Variants in GALNT13 observed in about 807,000 individuals in gnomAD.
GALNT13 encodes UDP-GalNAc:polypeptide N-acetylgalactosaminyltransferase 13.
A neutral mutation model predicts 64.2 loss-of-function variants in GALNT13; 28 were observed. The observed-to-expected ratio is 0.44, with a 90% CI of 0.32 to 0.60. GALNT13 has a LOEUF of 0.60. GALNT13 is among the 20% of genes least tolerant of loss of function. The pLI is 0.05. For synonymous variants in GALNT13, 214 were observed against 224.6 expected (o/e 0.95, Z 0.42); for missense variants, 577 against 669.8 (o/e 0.86, Z 1.53).
chr2:154,367,392 T>C (rs1574172653), intron 9 of GALNT13, among the ~76,000 whole-genome samples: 1 of 152,304 alleles, frequency 6.6e-6, no homozygotes, highest in South Asian at 2.1e-4. Context: ...AAAGCATGAT[T>C]TTGTTAGCCA....
intron 6 of GALNT13, 114 bp from the exon 7 acceptor site, chr2:154,245,698 T>C: frequency 1.5e-6 from 1 of 675,804 alleles, no homozygotes; most frequent in Non-Finnish European, 2.5e-6. Flanking sequence ...GCTAAAGGCA[T>C]ATTAAAGTAA....
At chr2:154,310,033 C>T (rs998090159) in intron 9 of GALNT13, among the ~76,000 whole-genome samples, 1 of 152,128 alleles carries the variant, frequency 6.6e-6, no homozygotes, top group African/African-American at 2.4e-5. Flanking sequence ...TTAACATGCT[C>T]CCTTTTACCT....
intron 4 of GALNT13, among the ~76,000 whole-genome samples, chr2:154,171,996 A>C (rs192528224): frequency 6.6e-6 from 1 of 151,868 alleles, no homozygotes; most frequent in Non-Finnish European, 1.5e-5. Context: ...ACACACACAC[A>C]CACACACACA....
chr2:153,435,942 C>T, the GALNT13 span, among the ~76,000 whole-genome samples: 2 of 152,050 alleles, frequency 1.3e-5, no homozygotes, highest in Admixed American at 6.5e-5. Flanking sequence ...TTTGCCCATT[C>T]AGTATGATAT....
the GALNT13 span, among the ~76,000 whole-genome samples, chr2:153,261,059 T>C: frequency 1.3e-5 from 2 of 152,156 alleles, no homozygotes; most frequent in Non-Finnish European, 2.9e-5. Context: ...TTTTCATTAT[T>C]TTTATTTCTT....
chr2:153,237,588 T>C, the GALNT13 span, among the ~76,000 whole-genome samples: 2 of 152,092 alleles, frequency 1.3e-5, no homozygotes, highest in Admixed American at 1.3e-4. Flanking sequence ...AGGTTTTCTT[T>C]ATGTGCCTGG....
the GALNT13 span, among the ~76,000 whole-genome samples, chr2:153,393,991 C>CA: frequency 0.22 from 6,778 of 30,710 alleles, 197 homozygotes; most frequent in African/African-American, 0.4. Flanking sequence ...CACACACACA[C>CA]CCCCTATTGG....
At chr2:153,771,505 A>C in the GALNT13 span, among the ~76,000 whole-genome samples, 1 of 152,116 alleles carries the variant, frequency 6.6e-6, no homozygotes, top group Non-Finnish European at 1.5e-5. Context: ...TTACCTTTGC[A>C]CCAAGATTTC....
intron 4 of GALNT13, chr2:154,236,293 T>C (rs1202774474): frequency 2.5e-6 from 1 of 407,726 alleles, no homozygotes; most frequent in African/African-American, 2.2e-5. Context: ...AAAGAGTCTA[T>C]CTTTATGGTA....
the GALNT13 span, among the ~76,000 whole-genome samples, chr2:153,348,582 G>A: frequency 6.6e-6 from 1 of 152,044 alleles, no homozygotes; most frequent in African/African-American, 2.4e-5. Context: ...CTAACCAAAG[G>A]ATGGTATAGA....
Position 153,964,750 on chromosome 2 carries a change from TTAAAA to T in GALNT13, c.142+20116_142+20120del, listed in dbSNP as rs1323051753. ...ATATTCATTGTAGAAAAAAATAAAA[TTAAAA>T]TAAAGAAGAAAATTAAATTTGAATT... On this transcript the variant is annotated intron_variant, in intron 3 of 12. Coordinates refer to ENST00000392825, the MANE Select transcript of GALNT13 (RefSeq NM_052917.4). Among the ~76,000 whole-genome samples, 15 of 151,990 alleles carry T rather than the reference TTAAAA, an allele frequency of 9.9e-5. No homozygotes were observed. The South Asian group carries it at 1.9e-3, about 19-fold the overall frequency.
the GALNT13 span, among the ~76,000 whole-genome samples, chr2:153,639,968 T>C: frequency 6.6e-6 from 1 of 152,154 alleles, no homozygotes; most frequent in East Asian, 1.9e-4. Context: ...AAGGGAATAA[T>C]GGGATTTGTC....
At chr2:154,087,857 A>C (rs1701611745) in intron 3 of GALNT13, among the ~76,000 whole-genome samples, 1 of 152,128 alleles carries the variant, frequency 6.6e-6, no homozygotes, top group South Asian at 2.1e-4. Flanking sequence ...TCTCTTTGTC[A>C]AGAAAAGTTA....
intron 3 of GALNT13, among the ~76,000 whole-genome samples, chr2:153,964,291 A>T (rs1161517019): frequency 1.3e-5 from 2 of 152,166 alleles, no homozygotes; most frequent in Non-Finnish European, 2.9e-5. Context: ...TCTACAAAAA[A>T]TACAAAAATT....
At chr2:154,231,306 G>A (rs755738511) in intron 4 of GALNT13, among the ~76,000 whole-genome samples, 2 of 151,980 alleles carry the variant, frequency 1.3e-5, no homozygotes, top group Non-Finnish European at 2.9e-5. Flanking sequence ...AGTGCTAGTT[G>A]CTAAAATAAT....
chr2:154,346,049 G>C (rs1436825491), intron 9 of GALNT13, among the ~76,000 whole-genome samples: 2 of 151,784 alleles, frequency 1.3e-5, no homozygotes, highest in African/African-American at 2.4e-5. Context: ...ATCATACAAA[G>C]TATAGAACCT....
chr2:154,077,652 T>G (rs1701058045), intron 3 of GALNT13, among the ~76,000 whole-genome samples: 1 of 151,508 alleles, frequency 6.6e-6, no homozygotes, highest in South Asian at 2.1e-4. Context: ...TTGTGGCAAG[T>G]AGTTTAAAAT....
At chr2:153,217,558 A>G in the GALNT13 span, among the ~76,000 whole-genome samples, 1 of 151,806 alleles carries the variant, frequency 6.6e-6, no homozygotes, top group Non-Finnish European at 1.5e-5. Flanking sequence ...ATTTCTATTG[A>G]CCTATCTTTA....
At chr2:153,857,052 G>T in the GALNT13 span, among the ~76,000 whole-genome samples, 1 of 152,126 alleles carries the variant, frequency 6.6e-6, no homozygotes, top group Admixed American at 6.6e-5. Flanking sequence ...TAGAAATTGG[G>T]ATACTGGTTA....
Sources: gnomAD v4.1 joint callset for allele counts (sites outside exome capture counted in the v4.1 genomes callset) on GRCh38, gnomAD v4.1.1 for gene constraint, MANE v1.5 for transcripts, NCBI Gene and HGNC (gene_info 2026-07-23, HGNC 2026-07-21) for gene names.